The following PRSS35 variants were observed in gnomAD, a reference collection of about 807,000 sequenced individuals.
The protein encoded by PRSS35 is serine protease 35.
In PRSS35, 7 loss-of-function variants were observed where a neutral mutation model predicts 8.1. That is an observed-to-expected ratio of 0.86 (90% confidence interval 0.49 to 1.62). The LOEUF is 1.62. Ranked by LOEUF, PRSS35 falls within the 40% of genes most tolerant of loss-of-function variation. The probability of loss-of-function intolerance (pLI) is 0.00; values close to 1 mark genes in which losing one functional copy is unlikely to be tolerated. For missense variants in PRSS35, 566 were observed against 518.0 expected (o/e 1.09, Z -0.90); for synonymous variants, 199 against 188.7 (o/e 1.05, Z -0.45).
chr6:83,519,437 A>C, intron 1 of PRSS35, among the ~76,000 whole-genome samples: 1 of 152,222 alleles, frequency 6.6e-6, no homozygotes, highest in East Asian at 1.9e-4. Context: ...TGGGGAAGCC[A>C]AGGGATGTTA....
rs768376369 is a variant in PRSS35 at position 83,524,514 on chromosome 6, A to T, written c.1073A>T (p.Asp358Val). The T allele has an allele frequency of 1.2e-6, 2 of 1,614,064 alleles. No individual in the cohort carries two copies. Among genetic ancestry groups the T allele is most frequent in the East Asian group, 2.2e-5 (1 of 44,896 alleles). The change falls in exon 2 of 2, where the codon GAC (aspartate) becomes GTC (valine). Residue 358 changes from aspartate (D) to valine (V), a missense_variant. Transcript: ENST00000369700. ...GTCTATCTGCGTCTGAAAGATCCAGACAAAAAGAATTGGAAGCGCAAAATC... is the reference window on the plus strand; with the variant it reads ...GTCTATCTGCGTCTGAAAGATCCAGTCAAAAAGAATTGGAAGCGCAAAATC... Reference protein sequence around the residue: ...SGVYLRLKDPDKKNWKRKIIA... With the variant: ...SGVYLRLKDPVKKNWKRKIIA...
intron 1 of PRSS35, among the ~76,000 whole-genome samples, chr6:83,522,472 T>A (rs908868556): frequency 3.3e-5 from 5 of 152,130 alleles, no homozygotes; most frequent in African/African-American, 1.2e-4. Flanking sequence ...CTGGCACCTT[T>A]AACAATATTT....
rs575689587 is a variant in PRSS35, at chr6:83,516,794, A to C, written c.-21+4100A>C. Among the ~76,000 whole-genome samples the C allele has an allele frequency of 2.2e-4, 33 of 152,152 alleles. 1 individual carries two copies. The East Asian group carries it at 6.2e-3, about 28-fold the overall frequency. On this transcript the variant is annotated intron_variant, in intron 1 of 1. Transcript: ENST00000369700. ...CTGCATTGCTCTGGCCTCCGCTTACATCTATCAGCTCTTCCCACTCTTAAC... is the reference window on the plus strand; with the variant it reads ...CTGCATTGCTCTGGCCTCCGCTTACCTCTATCAGCTCTTCCCACTCTTAAC...
In PRSS35 at chr6:83,523,985, A is replaced by C; in HGVS notation, c.544A>C (p.Lys182Gln). The C allele has an allele frequency of 6.2e-7, 1 of 1,614,164 alleles. No homozygotes were observed. Among genetic ancestry groups the C allele is most frequent in the South Asian group, 1.1e-5 (1 of 91,074 alleles). ...HDGKDYVKGS[K>Q]KLRVGLLKMR... Reference sequence around the variant, plus strand: ...TGGAAAGGACTATGTCAAAGGGAGTAAAAAGCTAAGGGTAGGGTTGTTGAA... The same window carrying C: ...TGGAAAGGACTATGTCAAAGGGAGTCAAAAGCTAAGGGTAGGGTTGTTGAA... Residue 182 changes from lysine (K) to glutamine (Q), a missense_variant, in exon 2 of 2, where the codon AAA becomes CAA. By Grantham distance (53) the Lys-to-Gln change is moderately conservative. Transcript: ENST00000369700.
At chr6:83,513,719 C>A (rs1187551840) in intron 1 of PRSS35, among the ~76,000 whole-genome samples, 2 of 152,012 alleles carry the variant, frequency 1.3e-5, no homozygotes, top group African/African-American at 4.8e-5. Context: ...GGATACTGTA[C>A]CCCATTTTTC....
Position 83,525,700 on chromosome 6 carries a change from T to G in PRSS35, c.*1017T>G, listed in dbSNP as rs949460984. 2.4e-5 allele frequency: 4 copies of G among 166,840 alleles called. No homozygotes were observed. The highest frequency in any genetic ancestry group is 5.9e-5 in the Non-Finnish European group (4 of 68,112). 10.3% of individuals were successfully genotyped at this position (166,840 alleles called of 1,614,324 possible). On this transcript the variant is annotated 3_prime_UTR_variant, in exon 2 of 2. Transcript: ENST00000369700. Reference sequence around the variant, plus strand: ...ATGAATAAAATTTATGAATATGACTTAAAAGAAGGGTCTGGTTATTTTCCT... The same window carrying G: ...ATGAATAAAATTTATGAATATGACTGAAAAGAAGGGTCTGGTTATTTTCCT...
chr6:83,520,723 A>C (rs1295474435), intron 1 of PRSS35, among the ~76,000 whole-genome samples: 1 of 152,242 alleles, frequency 6.6e-6, no homozygotes, highest in Admixed American at 6.5e-5. Flanking sequence ...TAGCTTTATA[A>C]ACCAGTGTCA....
intron 1 of PRSS35, among the ~76,000 whole-genome samples, chr6:83,517,159 CTCTA>C (rs752406648): frequency 2.6e-5 from 4 of 152,152 alleles, no homozygotes; most frequent in Non-Finnish European, 4.4e-5. Context: ...CAAATATTAT[CTCTA>C]TCTAATAAAT....
chr6:83,516,279 A>C (rs941465027), intron 1 of PRSS35, among the ~76,000 whole-genome samples: 6 of 152,148 alleles, frequency 3.9e-5, no homozygotes, highest in Non-Finnish European at 7.4e-5. Context: ...TGGAGATCAG[A>C]AATCTAAAGT....
intron 1 of PRSS35, 85 bp from the exon 2 acceptor site, chr6:83,523,337 A>C (rs1017104271): frequency 7.6e-5 from 78 of 1,030,664 alleles, no homozygotes; most frequent in Non-Finnish European, 1.1e-4. Flanking sequence ...GTGAAGGTAC[A>C]TTTAGGATCC....
At chr6:83,519,904 C>T (rs1171115) in intron 1 of PRSS35, among the ~76,000 whole-genome samples, 112,182 of 150,698 alleles carry the variant, frequency 0.74, 42,054 homozygotes, top group East Asian at 0.88. Flanking sequence ...ACCTTATGAA[C>T]TTCACTTTTG....
chr6:83,513,766 GC>G (rs1197439228), intron 1 of PRSS35, among the ~76,000 whole-genome samples: 1 of 151,814 alleles, frequency 6.6e-6, no homozygotes, highest in East Asian at 1.9e-4. Flanking sequence ...CTTTTAAGAA[GC>G]TTTTTCACGT....
rs1771912262 is a variant in PRSS35, at chr6:83,524,993, C to T, written c.*310C>T. 2 of 278,356 alleles carry T rather than the reference C, an allele frequency of 7.2e-6. No individual in the cohort carries two copies. The highest frequency in any genetic ancestry group is 1.4e-5 in the Non-Finnish European group (2 of 140,304). The allele number at this position is 278,356 out of a possible 1,614,324, so 17.2% of individuals were successfully genotyped here. ...ACCTTCAAACAGGTATTATAAATAA[C>T]ATGTGACTCCTTAATGGACTTATTC... On this transcript the variant is annotated 3_prime_UTR_variant, in exon 2 of 2. Coordinates refer to ENST00000369700, the MANE Select transcript of PRSS35 (RefSeq NM_153362.3).
At chr6:83,520,714 A>G (rs1771805781) in intron 1 of PRSS35, among the ~76,000 whole-genome samples, 1 of 152,250 alleles carries the variant, frequency 6.6e-6, no homozygotes, top group Admixed American at 6.5e-5. Context: ...CTAGAACAAT[A>G]GCTTTATAAA....
chr6:83,512,590 G>A lies in PRSS35; in HGVS notation c.-125G>A, dbSNP rs1562031775. Reference sequence around the variant, plus strand: ...GCCCGGCCTTGGCGGGGCGGCCTCCGGCTCAGGCTGGCTGAGAGGCTCCCA... The same window carrying A: ...GCCCGGCCTTGGCGGGGCGGCCTCCAGCTCAGGCTGGCTGAGAGGCTCCCA... On this transcript the variant is annotated 5_prime_UTR_variant, in exon 1 of 2. Transcript: ENST00000369700. The A allele has an allele frequency of 6.6e-6, 1 of 152,238 alleles. No homozygotes were observed. Among genetic ancestry groups the A allele is most frequent in the African/African-American group, 2.4e-5 (1 of 41,384 alleles). 9.4% of individuals were successfully genotyped at this position (152,238 alleles called of 1,614,324 possible). A position where few individuals can be genotyped will look rare whatever the true frequency, so the allele number is the denominator to read the frequency against.
At chr6:83,518,720 A>G (rs557441506) in intron 1 of PRSS35, among the ~76,000 whole-genome samples, 1 of 152,352 alleles carries the variant, frequency 6.6e-6, no homozygotes, top group African/African-American at 2.4e-5. Context: ...TTTGGCTTAT[A>G]TAACAACCTG....
At chr6:83,516,230 A>G (rs998173131) in intron 1 of PRSS35, among the ~76,000 whole-genome samples, 2 of 152,172 alleles carry the variant, frequency 1.3e-5, no homozygotes, top group African/African-American at 4.8e-5. Flanking sequence ...CCGAAAACTC[A>G]GTGGTTTAAA....
chr6:83,522,671 A>G (rs776109587), intron 1 of PRSS35, among the ~76,000 whole-genome samples: 1 of 152,204 alleles, frequency 6.6e-6, no homozygotes, highest in Non-Finnish European at 1.5e-5. Flanking sequence ...TTCAAGCACA[A>G]CTTTGTTTTT....
chr6:83,516,446 G>A (rs1771717120), intron 1 of PRSS35, among the ~76,000 whole-genome samples: 1 of 151,664 alleles, frequency 6.6e-6, no homozygotes, highest in African/African-American at 2.4e-5. Context: ...CATGGTGGCG[G>A]GCGCCTGTAG....
Sources: allele counts gnomAD v4.1 joint callset (sites outside exome capture counted in the v4.1 genomes callset), GRCh38; gene constraint gnomAD v4.1.1; transcripts MANE v1.5; gene names NCBI Gene and HGNC (gene_info 2026-07-23, HGNC 2026-07-21).